PHTF2: variants seen among roughly 807,000 people sequenced by gnomAD.
PHTF2 encodes putative homeodomain transcription factor 2, also known as protein PHTF2.
Under a neutral mutation model 101.2 loss-of-function variants are expected in PHTF2, and 60 were observed. That is an observed-to-expected ratio of 0.59 (90% CI 0.48 to 0.73). The LOEUF (loss-of-function observed/expected upper bound fraction) is 0.73, where lower values mean the gene tolerates loss of function less well. Ranked by LOEUF, PHTF2 falls within the 30% of genes least tolerant of loss-of-function variation. PHTF2 has a pLI of 0.00. For synonymous variants in PHTF2, 311 were observed against 307.3 expected, an observed-to-expected ratio of 1.01 and a Z score of -0.13; for missense variants, 747 against 908.7, an observed-to-expected ratio of 0.82 and a Z score of 2.29.
chr7:77,920,216 C>T, intron 9 of PHTF2, 63 bp from the exon 9 acceptor site: 3 of 805,092 alleles, frequency 3.7e-6, no homozygotes, highest in Non-Finnish European at 5.8e-6. Context: ...ATTATAATTT[C>T]TATCAGTAAC....
chr7:77,895,995 AATAAAG>A (rs1252737623), intron 5 of PHTF2: 2 of 152,200 alleles, frequency 1.3e-5, no homozygotes, highest in Admixed American at 6.5e-5. Flanking sequence ...AGTCTTTAAA[AATAAAG>A]ATAAAAATGA....
At chr7:77,948,395 A>T (rs959160268) in intron 16 of PHTF2, among the ~76,000 whole-genome samples, 1 of 152,174 alleles carries the variant, frequency 6.6e-6, no homozygotes, top group Non-Finnish European at 1.5e-5. Context: ...ACTTCATGCT[A>T]TACATAAAAA....
At chr7:77,854,814 G>C (rs769957108) in exon 3 of PHTF2, 2 of 758,738 alleles carry the variant, frequency 2.6e-6, no homozygotes, top group Admixed American at 3.4e-5. Flanking sequence ...CAAGGACCAA[G>C]GGCTCTTCAT....
intron 16 of PHTF2, among the ~76,000 whole-genome samples, chr7:77,944,147 A>G (rs114498334): frequency 0.02 from 2,995 of 152,366 alleles, 83 homozygotes; most frequent in African/African-American, 0.067. Flanking sequence ...GCATTTAAGA[A>G]TAAGCATTAA....
chr7:77,946,010 A>G (rs1014039446), intron 16 of PHTF2, among the ~76,000 whole-genome samples: 1 of 152,202 alleles, frequency 6.6e-6, no homozygotes. Context: ...CCATAGAGCT[A>G]GTATGAAAAT....
At chr7:77,858,891 C>A (rs1036194742) in intron 3 of PHTF2, among the ~76,000 whole-genome samples, 20 of 152,104 alleles carry the variant, frequency 1.3e-4, no homozygotes, top group African/African-American at 4.6e-4. Flanking sequence ...AACAAATGAC[C>A]ACAAACTGGG....
At chr7:77,841,720 A>G (rs552389063) in intron 2 of PHTF2, among the ~76,000 whole-genome samples, 3 of 152,344 alleles carry the variant, frequency 2.0e-5, no homozygotes, top group East Asian at 1.9e-4. Context: ...TTGATATACT[A>G]TTAATTGTCT....
intron 1 of PHTF2, among the ~76,000 whole-genome samples, chr7:77,808,391 A>G (rs1368806139): frequency 6.6e-6 from 1 of 152,174 alleles, no homozygotes; most frequent in Non-Finnish European, 1.5e-5. Context: ...CTTGTTTACA[A>G]GTCCTGTCAT....
chr7:77,947,837 CTTTT>C (rs71082798), intron 16 of PHTF2, among the ~76,000 whole-genome samples: 5 of 73,804 alleles, frequency 6.8e-5, no homozygotes, highest in Admixed American at 2.0e-4. Flanking sequence ...TTTTTTCTTT[CTTTT>C]TTTTTTTTTT....
intron 12 of PHTF2, among the ~76,000 whole-genome samples, chr7:77,933,718 T>G (rs1358905221): frequency 2.0e-5 from 3 of 151,610 alleles, no homozygotes; most frequent in South Asian, 4.2e-4. Context: ...TGTGTTTTTT[T>G]TTTTTTTTTT....
rs536509396 is a variant in PHTF2, at chr7:77,818,478, C to T, written c.-36+19507C>T. On this transcript the variant is annotated intron_variant, in intron 1 of 19. Transcript: ENST00000416283. ...ATCTAGTTTCATTCTTCTGCATATC[C>T]AGTTTTCCCAGAAGTATTTATTGAA... 3.3e-5 allele frequency among the ~76,000 whole-genome samples: 5 copies of T among 152,224 alleles called. 1 individual carries two copies. The South Asian group carries it at 1.0e-3, about 32-fold the overall frequency.
intron 3 of PHTF2, among the ~76,000 whole-genome samples, chr7:77,863,985 G>T (rs954204862): frequency 6.6e-6 from 1 of 152,002 alleles, no homozygotes; most frequent in African/African-American, 2.4e-5. Context: ...TCTCCATGTT[G>T]CCCAGGCTGG....
At chr7:77,833,868 T>C (rs1417044180) in intron 1 of PHTF2, among the ~76,000 whole-genome samples, 2 of 152,138 alleles carry the variant, frequency 1.3e-5, no homozygotes, top group African/African-American at 4.8e-5. Flanking sequence ...TTTAACAGTT[T>C]CTACTATGTT....
intron 3 of PHTF2, among the ~76,000 whole-genome samples, chr7:77,884,116 G>C (rs1799624428): frequency 6.6e-6 from 1 of 152,112 alleles, no homozygotes; most frequent in Non-Finnish European, 1.5e-5. Context: ...TTTTCCATTT[G>C]TATCAGCAAA....
At chr7:77,873,211 G>T (rs1229483265) in intron 3 of PHTF2, among the ~76,000 whole-genome samples, 1 of 151,342 alleles carries the variant, frequency 6.6e-6, no homozygotes, top group Non-Finnish European at 1.5e-5. Context: ...ACAGGCGTGA[G>T]CCACTGTGCT....
chr7:77,851,373 GTTTTC>G (rs1796745537), intron 2 of PHTF2, among the ~76,000 whole-genome samples: 1 of 151,910 alleles, frequency 6.6e-6, no homozygotes, highest in Non-Finnish European at 1.5e-5. Flanking sequence ...TTTCTTCTAG[GTTTTC>G]CAATTTATTG....
chr7:77,821,201 A>G (rs1794263331), intron 1 of PHTF2, among the ~76,000 whole-genome samples: 1 of 152,104 alleles, frequency 6.6e-6, no homozygotes, highest in South Asian at 2.1e-4. Context: ...CTACTGAGAA[A>G]TCTGTTATTA....
intron 1 of PHTF2, among the ~76,000 whole-genome samples, chr7:77,826,847 GAAT>G (rs1794728950): frequency 6.6e-6 from 1 of 152,190 alleles, no homozygotes; most frequent in African/African-American, 2.4e-5. Context: ...AGAGCACAGA[GAAT>G]ATAGCACTCC....
chr7:77,893,584 T>C (rs886810874), intron 3 of PHTF2, 24 bp from the exon 3 acceptor site: 2 of 1,088,582 alleles, frequency 1.8e-6, no homozygotes, highest in Admixed American at 4.2e-5. Flanking sequence ...AATGACCATT[T>C]AATGTAGTGT....
Sources: allele counts gnomAD v4.1 joint callset (sites outside exome capture counted in the v4.1 genomes callset), GRCh38; gene constraint gnomAD v4.1.1; transcripts MANE v1.5; gene names NCBI Gene and HGNC (gene_info 2026-07-23, HGNC 2026-07-21).